CADM2: variants seen among roughly 807,000 people sequenced by gnomAD.
CADM2 encodes the protein immunoglobulin superfamily member 4D.
Under a neutral mutation model 49.8 loss-of-function variants are expected in CADM2, and 12 were observed. The observed-to-expected ratio is 0.24, with a 90% CI of 0.15 to 0.39. The LOEUF is 0.39. Among genes scored for constraint, CADM2 ranks in the 10% least tolerant of loss-of-function variants. The pLI, the probability that CADM2 is intolerant of heterozygous loss-of-function variation, is 1.00. For synonymous variants in CADM2, 214 were observed against 175.4 expected (o/e 1.22, Z -1.74); for missense variants, 378 against 492.3 (o/e 0.77, Z 2.20).
At chr3:85,451,117 A>T (rs1156425652) in intron 1 of CADM2, among the ~76,000 whole-genome samples, 1 of 152,102 alleles carries the variant, frequency 6.6e-6, no homozygotes, top group Non-Finnish European at 1.5e-5. Context: ...TTTCAAAAGT[A>T]AATGTTTATA....
intron 1 of CADM2, among the ~76,000 whole-genome samples, chr3:85,521,092 C>T (rs940786443): frequency 6.6e-6 from 1 of 152,154 alleles, no homozygotes; most frequent in Middle Eastern, 3.4e-3. Flanking sequence ...TTTCTTAATT[C>T]GTCTTCAGCA....
At chr3:85,059,229 A>T (rs1182035418) in intron 1 of CADM2, among the ~76,000 whole-genome samples, 1 of 151,896 alleles carries the variant, frequency 6.6e-6, no homozygotes, top group African/African-American at 2.4e-5. Flanking sequence ...ACAGAGAGAG[A>T]CTATGTCTCA....
At chr3:84,977,004 G>A (rs754104514) in intron 1 of CADM2, among the ~76,000 whole-genome samples, 7 of 151,756 alleles carry the variant, frequency 4.6e-5, no homozygotes, top group Admixed American at 1.3e-4. Flanking sequence ...AGTAAGTAAG[G>A]GATTTCTGGA....
chr3:85,880,290 C>T (rs1255549131), intron 3 of CADM2, among the ~76,000 whole-genome samples: 1 of 152,008 alleles, frequency 6.6e-6, no homozygotes, highest in Non-Finnish European at 1.5e-5. Context: ...AGTATTCCTT[C>T]TATATATGGT....
chr3:85,234,736 G>GTAATTTC (rs2042374074), intron 1 of CADM2, among the ~76,000 whole-genome samples: 1 of 152,122 alleles, frequency 6.6e-6, no homozygotes, highest in East Asian at 1.9e-4. Flanking sequence ...CTCCAGAGTA[G>GTAATTTC]TAATTTCTCT....
intron 8 of CADM2, among the ~76,000 whole-genome samples, chr3:86,000,100 T>TGTTTA (rs1007961762): frequency 2.0e-5 from 3 of 152,204 alleles, no homozygotes; most frequent in African/African-American, 7.2e-5. Flanking sequence ...CATCATTCTG[T>TGTTTA]GTTTAATGAG....
intron 1 of CADM2, among the ~76,000 whole-genome samples, chr3:85,693,566 C>CAAAAAAAAAA (rs562723713): frequency 5.3e-5 from 4 of 76,110 alleles, no homozygotes; most frequent in Non-Finnish European, 7.3e-5. Flanking sequence ...GGCGAAAGAG[C>CAAAAAAAAAA]AAAAAAAAAA....
chr3:85,319,390 C>G (rs1200278980), intron 1 of CADM2, among the ~76,000 whole-genome samples: 1 of 152,134 alleles, frequency 6.6e-6, no homozygotes, highest in Non-Finnish European at 1.5e-5. Flanking sequence ...TGTGGCAATT[C>G]TTCAAAGAGC....
rs72909246 is a variant in CADM2 at position 85,520,097 on chromosome 3, A to C, written c.62-206425A>C. ...GTTAATTCATTTTAATTTCATATGC[A>C]TAATATGCTTATTATTGTTTATGAT... On this transcript the variant is annotated intron_variant, in intron 1 of 9. Transcript: ENST00000383699. Among the ~76,000 whole-genome samples the C allele has an allele frequency of 1.7e-3, 264 of 152,162 alleles. 2 individuals carry two copies. The highest frequency in any genetic ancestry group is 5.6e-3 in the African/African-American group (234 of 41,568).
chr3:85,592,315 T>C (rs907762916), intron 1 of CADM2, among the ~76,000 whole-genome samples: 4 of 151,924 alleles, frequency 2.6e-5, no homozygotes, highest in Non-Finnish European at 5.9e-5. Context: ...GAAGATGAAG[T>C]GATTCTCTCA....
chr3:85,759,330 T>G (rs551912800), intron 2 of CADM2, among the ~76,000 whole-genome samples: 7 of 152,190 alleles, frequency 4.6e-5, no homozygotes, highest in Non-Finnish European at 8.8e-5. Flanking sequence ...GGTAACACAA[T>G]ATCAAAATGT....
At chr3:85,089,671 T>C (rs1322761952) in intron 1 of CADM2, among the ~76,000 whole-genome samples, 1 of 152,158 alleles carries the variant, frequency 6.6e-6, no homozygotes, top group African/African-American at 2.4e-5. Context: ...GGAACATTTT[T>C]TGTCTTAATT....
At chr3:85,991,072 T>C (rs962752437) in intron 8 of CADM2, among the ~76,000 whole-genome samples, 2 of 152,162 alleles carry the variant, frequency 1.3e-5, no homozygotes, top group East Asian at 3.9e-4. Flanking sequence ...CCAATCCCTG[T>C]AGCAGCATAA....
At chr3:85,108,731 G>A (rs980226127) in intron 1 of CADM2, among the ~76,000 whole-genome samples, 15 of 152,022 alleles carry the variant, frequency 9.9e-5, no homozygotes, top group African/African-American at 3.6e-4. Context: ...TTAAGAAATA[G>A]ATAGAAGGGA....
intron 1 of CADM2, among the ~76,000 whole-genome samples, chr3:85,701,209 G>T (rs1040452344): frequency 6.6e-6 from 1 of 152,092 alleles, no homozygotes; most frequent in Non-Finnish European, 1.5e-5. Flanking sequence ...GATCTCTTAA[G>T]AACTCTATCA....
At chr3:85,301,697 A>G (rs923917186) in intron 1 of CADM2, among the ~76,000 whole-genome samples, 2 of 152,036 alleles carry the variant, frequency 1.3e-5, no homozygotes, top group Non-Finnish European at 2.9e-5. Context: ...TATAAAGTAC[A>G]TGGCATCTGC....
intron 1 of CADM2, among the ~76,000 whole-genome samples, chr3:85,503,744 A>C (rs150849368): frequency 3.2e-4 from 48 of 152,320 alleles, no homozygotes; most frequent in African/African-American, 9.4e-4. Flanking sequence ...TAAAACTATC[A>C]CTTCAAAGTG....
intron 1 of CADM2, among the ~76,000 whole-genome samples, chr3:85,536,513 G>A: frequency 6.6e-6 from 1 of 151,164 alleles, no homozygotes; most frequent in East Asian, 2.0e-4. Flanking sequence ...TTATTTTCAG[G>A]CTTTGTTAGG....
chr3:85,929,402 A>G (rs1269127734), intron 6 of CADM2, among the ~76,000 whole-genome samples: 1 of 152,096 alleles, frequency 6.6e-6, no homozygotes, highest in African/African-American at 2.4e-5. Flanking sequence ...ATATTCACAG[A>G]AAAAATACAA....
Sources: gnomAD v4.1 joint callset for allele counts (sites outside exome capture counted in the v4.1 genomes callset) on GRCh38, gnomAD v4.1.1 for gene constraint, MANE v1.5 for transcripts, NCBI Gene and HGNC (gene_info 2026-07-23, HGNC 2026-07-21) for gene names.